The following WWC1 variants were observed in gnomAD, a reference collection of about 807,000 sequenced individuals.
The protein encoded by WWC1 is protein KIBRA.
Under a neutral mutation model 138.4 loss-of-function variants are expected in WWC1, and 55 were observed. The observed-to-expected ratio is 0.40, with a 90% CI of 0.32 to 0.50. The LOEUF is 0.50. Ranked by LOEUF, WWC1 falls within the 20% of genes least tolerant of loss-of-function variation. The pLI, the probability that WWC1 is intolerant of heterozygous loss-of-function variation, is 0.72. For missense variants in WWC1, 1,226 were observed against 1,420.4 expected (o/e 0.86, Z 2.20); for synonymous variants, 524 against 564.9 (o/e 0.93, Z 1.03).
At chr5:168,443,019 G>A (rs1561773830) in intron 16 of WWC1, among the ~76,000 whole-genome samples, 1 of 152,070 alleles carries the variant, frequency 6.6e-6, no homozygotes, top group Non-Finnish European at 1.5e-5. Flanking sequence ...CAGTTGAGCA[G>A]TGAAGTTAGT....
intron 1 of WWC1, among the ~76,000 whole-genome samples, chr5:168,359,776 G>A (rs1775746024): frequency 6.6e-6 from 1 of 152,166 alleles, no homozygotes; most frequent in African/African-American, 2.4e-5. Flanking sequence ...TATTCCTACA[G>A]TGTCTTCCCA....
intron 1 of WWC1, among the ~76,000 whole-genome samples, chr5:168,336,154 A>G (rs1307564445): frequency 6.6e-6 from 1 of 152,172 alleles, no homozygotes; most frequent in Non-Finnish European, 1.5e-5. Context: ...TGTGGGCCCC[A>G]CAAAACCCAA....
intron 15 of WWC1, among the ~76,000 whole-genome samples, chr5:168,432,402 A>G (rs571654205): frequency 6.6e-6 from 1 of 152,298 alleles, no homozygotes; most frequent in Non-Finnish European, 1.5e-5. Flanking sequence ...GCCCAAGTAC[A>G]TTTTGTCCTA....
intron 1 of WWC1, among the ~76,000 whole-genome samples, chr5:168,337,392 C>A (rs531942096): frequency 2.0e-5 from 3 of 152,190 alleles, no homozygotes; most frequent in Admixed American, 2.0e-4. Context: ...CCCCTCCCCC[C>A]AGAAACAGCT....
At chr5:168,391,944 G>C (rs1778548201) in intron 3 of WWC1, among the ~76,000 whole-genome samples, 1 of 151,966 alleles carries the variant, frequency 6.6e-6, no homozygotes, top group East Asian at 1.9e-4. Flanking sequence ...TAGGGCACTT[G>C]CAAAAACTGT....
At chr5:168,375,440 G>A (rs1777090576) in intron 2 of WWC1, among the ~76,000 whole-genome samples, 2 of 152,176 alleles carry the variant, frequency 1.3e-5, no homozygotes, top group Admixed American at 1.3e-4. Context: ...AGCAACCTGG[G>A]TGACCTGACT....
chr5:168,384,548 G>A (rs968022350), intron 2 of WWC1, among the ~76,000 whole-genome samples: 1 of 151,946 alleles, frequency 6.6e-6, no homozygotes, highest in African/African-American at 2.4e-5. Flanking sequence ...CACATCCTCT[G>A]AGACATTAGT....
Position 168,454,047 on chromosome 5 carries a change from G to A in WWC1, c.2605G>A (p.Asp869Asn). 6.2e-7 allele frequency: 1 copy of A among 1,613,518 alleles called. No homozygotes were observed. Among genetic ancestry groups the A allele is most frequent in the Admixed American group, 1.7e-5 (1 of 59,994 alleles). Residue 869 changes from aspartate (D) to asparagine (N), a missense_variant, in exon 18 of 23, where the codon GAT (aspartate) becomes AAT (asparagine). This residue lies in a region of WWC1 where 1,016 missense variants were observed against 1,153.9 expected (regional missense o/e 0.88). Transcript: ENST00000265293. ...GGTGGAGGAGGAGGAGGGAGAAGAG[G>A]ATGTTTTCACCGAGAAAGCCTCACC... is the stretch of plus-strand genomic sequence containing the variant. Reference protein sequence around the residue: ...EEVEEEEGEEDVFTEKASPDM... With the variant: ...EEVEEEEGEENVFTEKASPDM...
chr5:168,384,733 T>G (rs796751220), intron 2 of WWC1, among the ~76,000 whole-genome samples: 10 of 144,536 alleles, frequency 6.9e-5, no homozygotes, highest in South Asian at 2.2e-4. Flanking sequence ...TTTTTTTTTT[T>G]TTCAGACAGA....
chr5:168,366,802 C>CTTT lies in WWC1; in HGVS notation c.120-4599_120-4597dup, dbSNP rs202012790. ...CATTTGTATTAATGACTTTGAAACA[C>CTTT]TTTTTTTTTTTTTTTTTTTTTTTTT... On this transcript the variant is annotated intron_variant, in intron 1 of 22. Transcript: ENST00000265293. Among the ~76,000 whole-genome samples the CTTT allele has an allele frequency of 9.8e-3, 989 of 100,464 alleles. 24 individuals are homozygous for CTTT. Among genetic ancestry groups the CTTT allele is most frequent in the East Asian group, 0.015 (50 of 3,362 alleles). The allele number at this position is 100,464 out of a possible 152,430, so 65.9% of individuals were successfully genotyped here. A position where few individuals can be genotyped will look rare whatever the true frequency, so the allele number is the denominator to read the frequency against.
chr5:168,413,373 C>T (rs1262951643), intron 8 of WWC1, among the ~76,000 whole-genome samples: 2 of 152,064 alleles, frequency 1.3e-5, no homozygotes, highest in Non-Finnish European at 2.9e-5. Context: ...CTTATTTTGG[C>T]CCAATGATAA....
chr5:168,375,732 G>A (rs1186004165), intron 2 of WWC1, among the ~76,000 whole-genome samples: 3 of 151,854 alleles, frequency 2.0e-5, no homozygotes, highest in African/African-American at 4.8e-5. Flanking sequence ...CCGCCACCAC[G>A]CCCAGCTCAT....
At chr5:168,389,550 C>T (rs1778313080) in intron 3 of WWC1, among the ~76,000 whole-genome samples, 1 of 149,884 alleles carries the variant, frequency 6.7e-6, no homozygotes, top group African/African-American at 2.4e-5. Context: ...GGGGACCGTA[C>T]TCCCTCTTTA....
At chr5:168,371,356 G>A (rs990187200) in intron 1 of WWC1, 68 bp from the exon 2 acceptor site, 109 of 1,185,862 alleles carry the variant, frequency 9.2e-5, no homozygotes, top group Non-Finnish European at 1.3e-4. Context: ...GAGGCACAGG[G>A]AAGCAGCAGG....
intron 19 of WWC1, among the ~76,000 whole-genome samples, chr5:168,457,250 G>T (rs1406339458): frequency 6.6e-6 from 1 of 150,844 alleles, no homozygotes; most frequent in East Asian, 2.0e-4. Context: ...CTTACTGAAG[G>T]CTACAAGATG....
chr5:168,386,616 C>G (rs565754291), intron 3 of WWC1, among the ~76,000 whole-genome samples: 2 of 151,596 alleles, frequency 1.3e-5, no homozygotes, highest in Non-Finnish European at 2.9e-5. Context: ...AGGATGATCT[C>G]GATCTCCTGT....
At position 168,414,435 on chromosome 5, in the gene WWC1, T is replaced by C. The variant is rs146751719; in HGVS notation, c.1029T>C (p.Leu343=). The C allele has an allele frequency of 1.1e-5, 17 of 1,590,886 alleles. No individual in the cohort carries two copies. The African/African-American group carries it at 2.3e-4, about 21-fold the overall frequency. ...VLDSERDRLI[L]INEKEELLKE... ...ACTCAGAGAGGGACCGGCTGATCCT[T>C]ATCAACGAGAAGGAGGAGCTGCTGA... Residue 343 remains leucine, a synonymous_variant, in exon 9 of 23, where the codon CTT becomes CTC. Coordinates refer to ENST00000265293, the MANE Select transcript of WWC1 (RefSeq NM_015238.3).
chr5:168,432,185 TA>T (rs1782004584), intron 15 of WWC1, among the ~76,000 whole-genome samples: 1 of 152,148 alleles, frequency 6.6e-6, no homozygotes, highest in African/African-American at 2.4e-5. Context: ...TTCTTATCCC[TA>T]AAATGCAAAT....
chr5:168,367,294 T>G (rs990805653), intron 1 of WWC1, among the ~76,000 whole-genome samples: 4 of 152,112 alleles, frequency 2.6e-5, no homozygotes, highest in African/African-American at 9.7e-5. Context: ...TGTTCCAGAT[T>G]GTTCTGAGAC....
Sources: allele counts gnomAD v4.1 joint callset (sites outside exome capture counted in the v4.1 genomes callset), GRCh38; gene constraint gnomAD v4.1.1; regional missense constraint gnomAD v4.1.1; transcripts MANE v1.5; gene names NCBI Gene and HGNC (gene_info 2026-07-23, HGNC 2026-07-21).